ZNF618: variants seen among roughly 807,000 people sequenced by gnomAD.
ZNF618 encodes the protein zinc finger protein 618.
A neutral mutation model predicts 103.0 loss-of-function variants in ZNF618; 34 were observed. The ratio of observed to expected loss-of-function variants is 0.33; its 90% CI spans 0.25 to 0.44. ZNF618 has a LOEUF of 0.44. ZNF618 is among the 20% of genes least tolerant of loss of function. The pLI is 1.00. For synonymous variants in ZNF618, 551 were observed against 542.2 expected, an observed-to-expected ratio of 1.02 and a Z score of -0.23; for missense variants, 1,059 against 1,295.4, an observed-to-expected ratio of 0.82 and a Z score of 2.80.
In ZNF618 at chr9:114,039,336, G is replaced by GTT. The variant is rs1415621409; in HGVS notation, c.1246+2961_1246+2962dup. ...CACCTGGTTTCTTTCTTTCTTTCTT[G>GTT]TTTGTTTTTTTTTTTTTTTTTTTCC... is the stretch of plus-strand genomic sequence containing the variant. On this transcript the variant is annotated intron_variant, in intron 13 of 14. Coordinates refer to ENST00000374126, the MANE Select transcript of ZNF618 (RefSeq NM_001318042.2). Among the ~76,000 whole-genome samples, 299 of 133,016 alleles carry GTT rather than the reference G, an allele frequency of 2.2e-3. 2 individuals are homozygous for GTT. In the East Asian group the frequency reaches 0.036, roughly 16 times the overall value. The allele number at this position is 133,016 out of a possible 152,430, so 87.3% of individuals were successfully genotyped here. A position where few individuals can be genotyped will look rare whatever the true frequency, so the allele number is the denominator to read the frequency against.
chr9:113,893,730 T>TA (rs1829805591), intron 1 of ZNF618, among the ~76,000 whole-genome samples: 1 of 152,188 alleles, frequency 6.6e-6, no homozygotes, highest in Non-Finnish European at 1.5e-5. Context: ...TTTCCACTTA[T>TA]AAAATTATAC....
intron 1 of ZNF618, among the ~76,000 whole-genome samples, chr9:113,948,090 C>T (rs989154608): frequency 5.3e-5 from 8 of 152,178 alleles, no homozygotes; most frequent in African/African-American, 9.7e-5. Context: ...CAGCCTCCCC[C>T]GCCCTCATCT....
intron 2 of ZNF618, 98 bp from the exon 3 acceptor site, chr9:113,988,223 T>C: frequency 6.9e-7 from 1 of 1,453,960 alleles, no homozygotes; most frequent in Non-Finnish European, 9.1e-7. Context: ...GAATTCACTA[T>C]GCACACAGCC....
intron 1 of ZNF618, among the ~76,000 whole-genome samples, chr9:113,961,574 G>A (rs919572183): frequency 4.6e-5 from 7 of 152,242 alleles, no homozygotes; most frequent in Admixed American, 1.3e-4. Flanking sequence ...CTCCTCAAGC[G>A]TGGAACCTAG....
intron 9 of ZNF618, among the ~76,000 whole-genome samples, chr9:114,014,576 A>G (rs1014138030): frequency 2.6e-5 from 4 of 152,270 alleles, no homozygotes; most frequent in Admixed American, 2.6e-4. Context: ...AATGAATGAC[A>G]GTACGAGAAA....
intron 1 of ZNF618, among the ~76,000 whole-genome samples, chr9:113,953,777 C>T (rs1332826705): frequency 6.6e-6 from 1 of 152,206 alleles, no homozygotes; most frequent in Non-Finnish European, 1.5e-5. Flanking sequence ...TGTAGACACA[C>T]TCTCTGTGCT....
chr9:113,939,826 T>C (rs1834391501), intron 1 of ZNF618, among the ~76,000 whole-genome samples: 1 of 152,144 alleles, frequency 6.6e-6, no homozygotes, highest in Admixed American at 6.5e-5. Context: ...TTTCATTTTT[T>C]AATATTTCAA....
At chr9:113,939,470 T>G (rs944494977) in intron 1 of ZNF618, among the ~76,000 whole-genome samples, 3 of 152,164 alleles carry the variant, frequency 2.0e-5, no homozygotes, top group Non-Finnish European at 4.4e-5. Flanking sequence ...TAAATTATCT[T>G]TCCCAGTTCT....
chr9:113,878,448 A>G (rs1374077260), intron 1 of ZNF618, among the ~76,000 whole-genome samples: 1 of 152,224 alleles, frequency 6.6e-6, no homozygotes, highest in East Asian at 1.9e-4. Flanking sequence ...TTTCATGTGG[A>G]GGTTTTGGCC....
Position 114,039,764 on chromosome 9 carries a change from G to A in ZNF618, c.1246+3387G>A, listed in dbSNP as rs568993388. 2.3e-4 allele frequency among the ~76,000 whole-genome samples: 35 copies of A among 152,330 alleles called. No individual in the cohort carries two copies. In the South Asian group the frequency reaches 7.0e-3, roughly 31 times the overall value. ...GCAGGGCTGGGTTGAGGGTTCCAGA[G>A]ATGACGGATGTAGAGTATCAAGGGC... On this transcript the variant is annotated intron_variant, in intron 13 of 14. Coordinates refer to ENST00000374126, the MANE Select transcript of ZNF618 (RefSeq NM_001318042.2).
chr9:113,953,284 G>T (rs1172036058), intron 1 of ZNF618, among the ~76,000 whole-genome samples: 6 of 152,194 alleles, frequency 3.9e-5, no homozygotes, highest in Non-Finnish European at 8.8e-5. Flanking sequence ...GCAGGTCTTT[G>T]TAGAGTCACA....
At chr9:113,946,826 A>G (rs1205874533) in intron 1 of ZNF618, among the ~76,000 whole-genome samples, 1 of 152,162 alleles carries the variant, frequency 6.6e-6, no homozygotes, top group Non-Finnish European at 1.5e-5. Flanking sequence ...AAGGGAGCCT[A>G]GTGGCTGGTT....
chr9:113,947,913 G>A (rs1035012126), intron 1 of ZNF618, among the ~76,000 whole-genome samples: 1 of 152,174 alleles, frequency 6.6e-6, no homozygotes. Flanking sequence ...TTAAGTTGCA[G>A]GCCTAGAAGA....
intron 10 of ZNF618, among the ~76,000 whole-genome samples, chr9:114,026,376 C>A (rs1843502259): frequency 3.3e-5 from 5 of 152,188 alleles, no homozygotes. Context: ...GAGCTCCCTG[C>A]CACAGGGAAA....
chr9:114,034,775 C>T (rs553936372), intron 12 of ZNF618, among the ~76,000 whole-genome samples: 15 of 152,294 alleles, frequency 9.8e-5, no homozygotes, highest in African/African-American at 2.6e-4. Flanking sequence ...AAAGCACAGC[C>T]GCTCTTGGTG....
chr9:113,944,725 C>T lies in ZNF618; in HGVS notation c.34-24392C>T, dbSNP rs143947774. Among the ~76,000 whole-genome samples, 20 of 152,130 alleles carry T rather than the reference C, an allele frequency of 1.3e-4. No homozygotes were observed. In the East Asian group the frequency reaches 3.9e-3, roughly 29 times the overall value. ...AATTTTCATAACATATTTTATTGAG[C>T]CCATTGTATCAAAAATGTTATCAAT... On this transcript the variant is annotated intron_variant, in intron 1 of 14. Transcript: ENST00000374126.
intron 1 of ZNF618, among the ~76,000 whole-genome samples, chr9:113,940,090 C>T (rs182872784): frequency 6.7e-6 from 1 of 150,016 alleles, no homozygotes; most frequent in Non-Finnish European, 1.5e-5. Context: ...TCTCATTGTT[C>T]ATTTTTAAAT....
At position 114,002,083 on chromosome 9, in the gene ZNF618, G is replaced by A; in HGVS notation, c.511+10G>A. 1 of 1,611,586 alleles carries A rather than the reference G, an allele frequency of 6.2e-7. No individual in the cohort carries two copies. On this transcript the variant is annotated intron_variant, in intron 5 of 14. Coordinates refer to ENST00000374126, the MANE Select transcript of ZNF618 (RefSeq NM_001318042.2). ...GTGCGGGCGCACCGAGGTGAGAGGA[G>A]TGTCCCTGGGGCAGAGCCCAGGGGC...
chr9:113,990,229 C>G (rs1056233327), intron 3 of ZNF618, among the ~76,000 whole-genome samples: 1 of 152,170 alleles, frequency 6.6e-6, no homozygotes, highest in Admixed American at 6.5e-5. Flanking sequence ...CTGTTTCTAC[C>G]CTGCTCCTCA....
Sources: gnomAD v4.1 joint callset for allele counts (sites outside exome capture counted in the v4.1 genomes callset) on GRCh38, gnomAD v4.1.1 for gene constraint, MANE v1.5 for transcripts, NCBI Gene and HGNC (gene_info 2026-07-23, HGNC 2026-07-21) for gene names.